Variants in LHFPL6 observed in about 807,000 individuals in gnomAD.
LHFPL6 encodes LHFPL tetraspan subfamily member 6 protein.
LHFPL6 carries 9 observed loss-of-function variants against 20.6 expected under a neutral mutation model. That is an observed-to-expected ratio of 0.44 (90% CI 0.26 to 0.76). The LOEUF is 0.76. LHFPL6 is among the 30% of genes least tolerant of loss of function. The pLI, the probability that LHFPL6 is intolerant of heterozygous loss-of-function variation, is 0.20. For missense variants in LHFPL6, 218 were observed against 253.5 expected, an observed-to-expected ratio of 0.86 and a Z score of 0.95; for synonymous variants, 105 against 98.7, an observed-to-expected ratio of 1.06 and a Z score of -0.38.
intron 2 of LHFPL6, among the ~76,000 whole-genome samples, chr13:39,457,155 A>T (rs1872591441): frequency 6.6e-6 from 1 of 152,246 alleles, no homozygotes; most frequent in South Asian, 2.1e-4. Flanking sequence ...AAATGGATTT[A>T]TCAAAATGAA....
intron 3 of LHFPL6, among the ~76,000 whole-genome samples, chr13:39,353,660 G>A (rs1210778771): frequency 1.1e-4 from 17 of 152,186 alleles, no homozygotes; most frequent in Admixed American, 9.8e-4. Flanking sequence ...CCCGGGAGGC[G>A]GAGGTTGCAG....
rs1051761413 is a variant in LHFPL6 at position 39,523,128 on chromosome 13, A to G, written c.385+77704T>C. 3.9e-5 allele frequency among the ~76,000 whole-genome samples: 6 copies of G among 152,186 alleles called. No homozygotes were observed. In the East Asian group the frequency reaches 1.2e-3, roughly 29 times the overall value. On this transcript the variant is annotated intron_variant, in intron 2 of 3. Coordinates refer to ENST00000379589, the MANE Select transcript of LHFPL6 (RefSeq NM_005780.3). Reference sequence around the variant, plus strand: ...TTTGGGCCTTTATTTCATCCTTTATATAATATTATGCTTTACGACTGATAC... The same window carrying G: ...TTTGGGCCTTTATTTCATCCTTTATGTAATATTATGCTTTACGACTGATAC...
intron 2 of LHFPL6, among the ~76,000 whole-genome samples, chr13:39,407,096 C>A (rs1212060052): frequency 6.6e-6 from 1 of 152,130 alleles, no homozygotes; most frequent in Non-Finnish European, 1.5e-5. Flanking sequence ...ATTTTGCAAC[C>A]CACATGAAGC....
intron 2 of LHFPL6, among the ~76,000 whole-genome samples, chr13:39,380,900 T>A (rs1164935642): frequency 2.0e-5 from 3 of 150,318 alleles, no homozygotes; most frequent in Non-Finnish European, 2.9e-5. Flanking sequence ...TCTGTCACTG[T>A]CTCCCATCAC....
chr13:39,369,341 A>T (rs942101676), intron 3 of LHFPL6, among the ~76,000 whole-genome samples: 3 of 152,180 alleles, frequency 2.0e-5, no homozygotes, highest in South Asian at 2.1e-4. Context: ...AAGCCAAAAT[A>T]GACTTGAGAA....
At chr13:39,535,102 C>T (rs1870575845) in intron 2 of LHFPL6, among the ~76,000 whole-genome samples, 2 of 152,222 alleles carry the variant, frequency 1.3e-5, no homozygotes, top group African/African-American at 4.8e-5. Context: ...TGTTTTCATG[C>T]AGCATTTTCT....
At chr13:39,359,741 G>A (rs1206826792) in intron 3 of LHFPL6, among the ~76,000 whole-genome samples, 1 of 151,756 alleles carries the variant, frequency 6.6e-6, no homozygotes, top group Admixed American at 6.6e-5. Context: ...ATATACCTCT[G>A]TAACAAACCT....
intron 2 of LHFPL6, among the ~76,000 whole-genome samples, chr13:39,594,965 T>C (rs1190391727): frequency 6.6e-6 from 1 of 151,880 alleles, no homozygotes; most frequent in African/African-American, 2.4e-5. Context: ...CGGGGCCTAT[T>C]GTGGGGTGGG....
At chr13:39,349,644 T>C (rs1403003197) in intron 3 of LHFPL6, among the ~76,000 whole-genome samples, 2 of 152,194 alleles carry the variant, frequency 1.3e-5, no homozygotes, top group Non-Finnish European at 2.9e-5. Context: ...ATAATTGTGA[T>C]ATGTGCTTTG....
intron 2 of LHFPL6, among the ~76,000 whole-genome samples, chr13:39,405,951 T>G (rs368454255): frequency 7.2e-5 from 11 of 152,310 alleles, no homozygotes; most frequent in African/African-American, 2.6e-4. Context: ...ACGGAATTTG[T>G]CCAAGGTATT....
At chr13:39,349,136 T>G (rs1869490630) in intron 3 of LHFPL6, among the ~76,000 whole-genome samples, 1 of 152,182 alleles carries the variant, frequency 6.6e-6, no homozygotes, top group Non-Finnish European at 1.5e-5. Context: ...CAATGTGATT[T>G]AAAAGAAAAA....
chr13:39,564,900 T>C (rs1871661858), intron 2 of LHFPL6, among the ~76,000 whole-genome samples: 1 of 152,204 alleles, frequency 6.6e-6, no homozygotes, highest in South Asian at 2.1e-4. Flanking sequence ...TATACCTTAT[T>C]ATATCTTGCT....
intron 2 of LHFPL6, among the ~76,000 whole-genome samples, chr13:39,586,874 G>C (rs1170152629): frequency 1.3e-5 from 2 of 152,120 alleles, no homozygotes; most frequent in Non-Finnish European, 2.9e-5. Context: ...CCTCAGCTTG[G>C]GGCCAGGCAC....
chr13:39,562,411 TATACAC>T (rs1246904798), intron 2 of LHFPL6, among the ~76,000 whole-genome samples: 1 of 51,494 alleles, frequency 1.9e-5, no homozygotes, highest in Non-Finnish European at 4.4e-5. Flanking sequence ...TATATACACA[TATACAC>T]ATATACATAT....
intron 3 of LHFPL6, among the ~76,000 whole-genome samples, chr13:39,376,953 C>T (rs1870307461): frequency 6.6e-6 from 1 of 152,144 alleles, no homozygotes; most frequent in Non-Finnish European, 1.5e-5. Flanking sequence ...TCCCCTGCTG[C>T]TCTTCTCTCC....
intron 2 of LHFPL6, among the ~76,000 whole-genome samples, chr13:39,533,331 G>A (rs1261237090): frequency 4.6e-5 from 7 of 152,184 alleles, no homozygotes; most frequent in Non-Finnish European, 8.8e-5. Context: ...AGGGTGGTAG[G>A]ATGGCTCAGC....
At chr13:39,538,611 GAC>G (rs1870699598) in intron 2 of LHFPL6, among the ~76,000 whole-genome samples, 3 of 151,610 alleles carry the variant, frequency 2.0e-5, no homozygotes, top group African/African-American at 7.3e-5. Context: ...AGACTTTGGT[GAC>G]ACAGACACCA....
intron 2 of LHFPL6, among the ~76,000 whole-genome samples, chr13:39,399,166 T>G (rs1293114566): frequency 6.6e-6 from 1 of 152,200 alleles, no homozygotes; most frequent in African/African-American, 2.4e-5. Flanking sequence ...AACATACATG[T>G]TTGTAAGCCA....
At chr13:39,402,299 A>G (rs1454641698) in intron 2 of LHFPL6, among the ~76,000 whole-genome samples, 1 of 152,152 alleles carries the variant, frequency 6.6e-6, no homozygotes, top group African/African-American at 2.4e-5. Context: ...ATCATGGCTC[A>G]CTGTAACCTT....
Sources: gnomAD v4.1 joint callset for allele counts (sites outside exome capture counted in the v4.1 genomes callset) on GRCh38, gnomAD v4.1.1 for gene constraint, MANE v1.5 for transcripts, NCBI Gene and HGNC (gene_info 2026-07-23, HGNC 2026-07-21) for gene names.